IL1RAPL2: variants seen among roughly 807,000 people sequenced by gnomAD.
IL1RAPL2 encodes interleukin 1 receptor accessory protein like 2.
IL1RAPL2 carries 3 observed loss-of-function variants against 44.1 expected under a neutral mutation model. The ratio of observed to expected loss-of-function variants is 0.07; its 90% CI spans 0.03 to 0.18. The LOEUF (loss-of-function observed/expected upper bound fraction) is 0.18. IL1RAPL2 is among the 10% of genes least tolerant of loss of function. The probability of loss-of-function intolerance (pLI) is 1.00; values close to 1 mark genes in which losing one functional copy is unlikely to be tolerated. For synonymous variants in IL1RAPL2, 181 were observed against 178.8 expected, an observed-to-expected ratio of 1.01 and a Z score of -0.10; for missense variants, 391 against 496.4, an observed-to-expected ratio of 0.79 and a Z score of 2.02.
chrX:105,088,443 C>G (rs1405959810), intron 2 of IL1RAPL2, among the ~76,000 whole-genome samples: 1 of 111,608 alleles, frequency 9.0e-6, no homozygotes, highest in Non-Finnish European at 1.9e-5. Context: ...ATAGATATAT[C>G]CTTTCATAGA....
chrX:105,584,952 G>A (rs1474060137), intron 6 of IL1RAPL2, among the ~76,000 whole-genome samples: 2 of 108,901 alleles, frequency 1.8e-5, no homozygotes, highest in East Asian at 2.9e-4. Context: ...TCAGTCTTTC[G>A]TCCTTCTGTA....
At chrX:104,622,439 C>T (rs1929418014) in intron 1 of IL1RAPL2, among the ~76,000 whole-genome samples, 1 of 110,907 alleles carries the variant, frequency 9.0e-6, no homozygotes, top group African/African-American at 3.3e-5. Context: ...TGCCTACCTT[C>T]CCTGTCTCTT....
intron 2 of IL1RAPL2, among the ~76,000 whole-genome samples, chrX:105,090,030 G>A (rs2032524770): frequency 9.0e-6 from 1 of 111,657 alleles, no homozygotes; most frequent in Non-Finnish European, 1.9e-5. Context: ...GAGAGAGTAA[G>A]GAAGAGGGAG....
chrX:104,884,603 G>A (rs1307703593), intron 2 of IL1RAPL2, among the ~76,000 whole-genome samples: 5 of 111,308 alleles, frequency 4.5e-5, no homozygotes, highest in African/African-American at 1.6e-4. Flanking sequence ...ACTATGGCCT[G>A]GCCCCAATAT....
intron 2 of IL1RAPL2, among the ~76,000 whole-genome samples, chrX:104,818,983 T>G (rs867918139): frequency 2.7e-5 from 3 of 112,137 alleles, no homozygotes; most frequent in African/African-American, 9.7e-5. Flanking sequence ...GTTGTTGTTG[T>G]TACTGTATTA....
At chrX:104,848,821 T>C (rs767952932) in intron 2 of IL1RAPL2, among the ~76,000 whole-genome samples, 22 of 110,530 alleles carry the variant, frequency 2.0e-4, no homozygotes, top group South Asian at 3.8e-4. Flanking sequence ...GTAAATTATT[T>C]AGTTTTTTAA....
chrX:105,235,724 C>T (rs782326186), intron 4 of IL1RAPL2, among the ~76,000 whole-genome samples: 2 of 112,493 alleles, frequency 1.8e-5, no homozygotes, highest in South Asian at 7.4e-4. Context: ...TCATCAACCT[C>T]ATTTGTATTT....
chrX:105,200,750 A>G (rs1426607616), intron 3 of IL1RAPL2, among the ~76,000 whole-genome samples: 1 of 111,327 alleles, frequency 9.0e-6, no homozygotes, highest in Non-Finnish European at 1.9e-5. Context: ...GGTCTCTACT[A>G]AAAATACAAA....
At chrX:105,697,568 A>G (rs996840156) in intron 6 of IL1RAPL2, among the ~76,000 whole-genome samples, 1 of 110,491 alleles carries the variant, frequency 9.1e-6, no homozygotes, top group Non-Finnish European at 1.9e-5. Context: ...TATAGCGGAC[A>G]TGGTAGCTTA....
chrX:105,375,293 C>T lies in IL1RAPL2; in HGVS notation c.697+107752C>T, dbSNP rs151150411. Reference sequence around the variant, plus strand: ...TTGGGAGGCTGAGGCAGCTGGATCACGAGGTCAGGAGATCAAGACCAGCCT... The same window carrying T: ...TTGGGAGGCTGAGGCAGCTGGATCATGAGGTCAGGAGATCAAGACCAGCCT... On this transcript the variant is annotated intron_variant, in intron 5 of 10. Transcript: ENST00000372582. 5.2e-3 allele frequency among the ~76,000 whole-genome samples: 577 copies of T among 110,976 alleles called. 5 individuals are homozygous for T. Among genetic ancestry groups the T allele is most frequent in the African/African-American group, 0.018 (548 of 30,448 alleles).
chrX:104,946,290 G>A (rs1449338361), intron 2 of IL1RAPL2, among the ~76,000 whole-genome samples: 21 of 91,412 alleles, frequency 2.3e-4, no homozygotes, highest in African/African-American at 8.0e-4. Context: ...GGAGAATGGC[G>A]TGAACCCGGG....
chrX:105,372,340 G>A (rs1358703308), intron 5 of IL1RAPL2, among the ~76,000 whole-genome samples: 1 of 108,540 alleles, frequency 9.2e-6, no homozygotes, highest in Non-Finnish European at 1.9e-5. Context: ...AGAGACCGAG[G>A]CAGGAGAATT....
chrX:105,207,980 C>G (rs1486045052), intron 3 of IL1RAPL2, among the ~76,000 whole-genome samples: 1 of 111,554 alleles, frequency 9.0e-6, no homozygotes, highest in Non-Finnish European at 1.9e-5. Context: ...CTTATAGAAT[C>G]GTGCTTGCTT....
intron 2 of IL1RAPL2, among the ~76,000 whole-genome samples, chrX:105,095,223 G>A (rs1682589551): frequency 9.0e-6 from 1 of 111,317 alleles, no homozygotes; most frequent in South Asian, 3.7e-4. Context: ...AGTGAGGAGA[G>A]TAAAAATTCC....
At position 105,412,490 on chromosome X, in the gene IL1RAPL2, A is replaced by T. The variant is rs148474579; in HGVS notation, c.698-71823A>T. ...CTCACTCATATGTGGTATCTAAAAA[A>T]AGAAAGTTGATATCATAGAAGAGTA... is the stretch of plus-strand genomic sequence containing the variant. On this transcript the variant is annotated intron_variant, in intron 5 of 10. Coordinates refer to ENST00000372582, the MANE Select transcript of IL1RAPL2 (RefSeq NM_017416.2). Among the ~76,000 whole-genome samples, 21 of 110,295 alleles carry T rather than the reference A, an allele frequency of 1.9e-4. No individual in the cohort carries two copies. The East Asian group carries it at 4.6e-3, about 24-fold the overall frequency.
chrX:105,067,622 C>G (rs1467853322), intron 2 of IL1RAPL2, among the ~76,000 whole-genome samples: 1 of 111,829 alleles, frequency 8.9e-6, no homozygotes, highest in Non-Finnish European at 1.9e-5. Flanking sequence ...AATCTTCTAT[C>G]TTAAGTAAAA....
At chrX:104,647,029 A>C (rs989909954) in intron 1 of IL1RAPL2, among the ~76,000 whole-genome samples, 1 of 108,748 alleles carries the variant, frequency 9.2e-6, no homozygotes, top group African/African-American at 3.6e-5. Context: ...CAAAAATTCC[A>C]AACTTTTTTT....
At chrX:105,675,282 A>G (rs1405230729) in intron 6 of IL1RAPL2, among the ~76,000 whole-genome samples, 3 of 111,346 alleles carry the variant, frequency 2.7e-5, no homozygotes, top group Non-Finnish European at 5.6e-5. Flanking sequence ...ATTCAATATG[A>G]TATTGGCTGT....
chrX:104,826,466 T>C (rs767849184), intron 2 of IL1RAPL2, among the ~76,000 whole-genome samples: 15 of 112,085 alleles, frequency 1.3e-4, no homozygotes, highest in African/African-American at 4.2e-4. Context: ...GATTGCACTG[T>C]GGTCTCAGAG....
Sources: allele counts gnomAD v4.1 joint callset (sites outside exome capture counted in the v4.1 genomes callset), GRCh38; gene constraint gnomAD v4.1.1; transcripts MANE v1.5; gene names NCBI Gene and HGNC (gene_info 2026-07-23, HGNC 2026-07-21).